ACSS3: variants seen among roughly 807,000 people sequenced by gnomAD.
ACSS3 encodes acyl-CoA synthetase short-chain family member 3, mitochondrial.
A neutral mutation model predicts 84.2 loss-of-function variants in ACSS3; 64 were observed. The observed-to-expected ratio is 0.76, with a 90% CI of 0.62 to 0.94. The LOEUF is 0.94. Among genes scored for constraint, ACSS3 ranks in the 40% least tolerant of loss-of-function variants. The probability of loss-of-function intolerance (pLI) is 0.00; values close to 1 mark genes in which losing one functional copy is unlikely to be tolerated. For missense variants in ACSS3, 815 were observed against 867.6 expected, an observed-to-expected ratio of 0.94 and a Z score of 0.76; for synonymous variants, 317 against 310.1, an observed-to-expected ratio of 1.02 and a Z score of -0.23.
chr12:81,078,343 A>C lies in ACSS3; in HGVS notation c.223A>C (p.Arg75=), dbSNP rs1366799727. The part of the protein sequence containing the change: ...HFAASVTDPE[R]FWGKAAEQIS... ...CGCAGCCTCGGTGACCGACCCCGAGAGGTTCTGGGGCAAAGCTGCCGAGCA... is the reference window on the plus strand; with the variant it reads ...CGCAGCCTCGGTGACCGACCCCGAGCGGTTCTGGGGCAAAGCTGCCGAGCA... Residue 75 remains arginine (R), a synonymous_variant, in exon 1 of 16, where the codon AGG becomes CGG. Coordinates refer to ENST00000548058, the MANE Select transcript of ACSS3 (RefSeq NM_024560.4). 6.2e-7 allele frequency: 1 copy of C among 1,612,498 alleles called. No individual in the cohort carries two copies. Among genetic ancestry groups the C allele is most frequent in the Admixed American group, 1.7e-5 (1 of 60,006 alleles).
rs757352967 is a variant in ACSS3 at position 81,143,092 on chromosome 12, A to AT, written c.781-10dup. On this transcript the variant is annotated splice_polypyrimidine_tract_variant and intron_variant, in intron 4 of 15. Transcript: ENST00000548058. ...TCCTTATTACAGTACATATTCTTAT[A>AT]TTTTTGCTGTGTAGGAGGCGGTTCC... is the stretch of plus-strand genomic sequence containing the variant. 5 of 1,606,460 alleles carry AT rather than the reference A, an allele frequency of 3.1e-6. No homozygotes were observed. The highest frequency in any genetic ancestry group is 4.3e-6 in the Non-Finnish European group (5 of 1,175,390).
Position 81,233,399 on chromosome 12 carries a change from GTATGT to G in ACSS3, c.1653_1657del (p.Met552SerfsTer4). On this transcript the variant is annotated frameshift_variant, in exon 13 of 16. Coordinates refer to ENST00000548058, the MANE Select transcript of ACSS3 (RefSeq NM_024560.4). LOFTEE classifies it high-confidence loss of function. ...GTTACATGGATGAAGAAGGCTATTT[GTATGT>G]TATGTCTCGAGTGGATGATGTAATA... 6.2e-7 allele frequency: 1 copy of G among 1,611,086 alleles called. No homozygotes were observed. The highest frequency in any genetic ancestry group is 1.1e-5 in the South Asian group (1 of 91,022).
At chr12:81,163,863 T>C (rs902981327) in intron 7 of ACSS3, among the ~76,000 whole-genome samples, 7 of 152,246 alleles carry the variant, frequency 4.6e-5, no homozygotes, top group African/African-American at 1.7e-4. Context: ...TACAATGTGT[T>C]TGTCTTTTAA....
At chr12:81,233,226 A>G in intron 12 of ACSS3, 123 bp from the exon 13 acceptor site, 1 of 1,111,536 alleles carries the variant, frequency 9.0e-7, no homozygotes, top group Non-Finnish European at 1.3e-6. Context: ...TAGTCTAGTT[A>G]CGAAAAACGG....
At chr12:81,131,927 G>A (rs539477319) in intron 2 of ACSS3, among the ~76,000 whole-genome samples, 13 of 152,062 alleles carry the variant, frequency 8.5e-5, no homozygotes, top group South Asian at 4.1e-4. Flanking sequence ...GATGGATTAC[G>A]TTTATTGATT....
chr12:81,079,093 A>G (rs898398587), intron 1 of ACSS3, among the ~76,000 whole-genome samples: 10 of 152,182 alleles, frequency 6.6e-5, no homozygotes, highest in African/African-American at 2.4e-4. Context: ...TGTTGTGTAT[A>G]TGAAGCTGCA....
At chr12:81,162,677 C>A (rs1887211005) in intron 7 of ACSS3, among the ~76,000 whole-genome samples, 1 of 152,134 alleles carries the variant, frequency 6.6e-6, no homozygotes. Context: ...CTACCTCCTG[C>A]TGTCATTAAC....
At chr12:81,128,493 C>T (rs949925641) in intron 2 of ACSS3, among the ~76,000 whole-genome samples, 15 of 152,110 alleles carry the variant, frequency 9.9e-5, no homozygotes, top group Non-Finnish European at 1.9e-4. Context: ...CCTTGCTCCC[C>T]TGGGATCTGT....
intron 1 of ACSS3, among the ~76,000 whole-genome samples, chr12:81,080,656 T>A (rs1169628913): frequency 6.6e-6 from 1 of 152,200 alleles, no homozygotes; most frequent in African/African-American, 2.4e-5. Flanking sequence ...AATCTATGAC[T>A]GCATTGGATA....
chr12:81,142,378 C>T (rs76415269), intron 4 of ACSS3, among the ~76,000 whole-genome samples: 1 of 152,174 alleles, frequency 6.6e-6, no homozygotes, highest in Non-Finnish European at 1.5e-5. Context: ...AGCCACTTCC[C>T]TGCTTTTCAC....
intron 1 of ACSS3, among the ~76,000 whole-genome samples, chr12:81,081,028 A>G (rs1880937845): frequency 6.6e-6 from 1 of 152,196 alleles, no homozygotes; most frequent in Non-Finnish European, 1.5e-5. Flanking sequence ...TGGAGCTGGC[A>G]TATGTGTAGT....
At chr12:81,149,992 C>T (rs192858565) in intron 5 of ACSS3, among the ~76,000 whole-genome samples, 25 of 152,124 alleles carry the variant, frequency 1.6e-4, no homozygotes, top group East Asian at 5.8e-4. Flanking sequence ...TGGTAAATGT[C>T]GTTTGAAGAA....
At chr12:81,252,965 T>TA (rs1374284807) in intron 13 of ACSS3, among the ~76,000 whole-genome samples, 2 of 152,224 alleles carry the variant, frequency 1.3e-5, no homozygotes, top group East Asian at 3.8e-4. Flanking sequence ...GAGGTTTGTT[T>TA]ACATACAGTA....
intron 9 of ACSS3, among the ~76,000 whole-genome samples, chr12:81,204,186 T>A (rs1195459489): frequency 6.6e-6 from 1 of 152,016 alleles, no homozygotes; most frequent in Non-Finnish European, 1.5e-5. Context: ...TTTTTATGAG[T>A]AAATGAGCTA....
intron 7 of ACSS3, among the ~76,000 whole-genome samples, chr12:81,162,223 C>T (rs1232631123): frequency 6.6e-6 from 1 of 152,190 alleles, no homozygotes; most frequent in Non-Finnish European, 1.5e-5. Flanking sequence ...ACAGTACGGT[C>T]TCTGAAGACA....
chr12:81,142,077 G>A (rs1054153643), intron 4 of ACSS3, among the ~76,000 whole-genome samples: 2 of 152,156 alleles, frequency 1.3e-5, no homozygotes, highest in Admixed American at 1.3e-4. Flanking sequence ...AATGTATTAA[G>A]CAGCTTAGAA....
intron 9 of ACSS3, among the ~76,000 whole-genome samples, chr12:81,214,810 T>C (rs534544225): frequency 6.6e-6 from 1 of 152,322 alleles, no homozygotes; most frequent in East Asian, 1.9e-4. Flanking sequence ...GAACTCTAGG[T>C]AACTGGTGTG....
At chr12:81,183,837 A>G (rs2135850824) in intron 8 of ACSS3, among the ~76,000 whole-genome samples, 1 of 151,338 alleles carries the variant, frequency 6.6e-6, no homozygotes, top group South Asian at 2.1e-4. Flanking sequence ...AGATAGCAAT[A>G]CAATATGGTA....
chr12:81,119,822 A>C (rs959005145), intron 2 of ACSS3, among the ~76,000 whole-genome samples: 2 of 152,210 alleles, frequency 1.3e-5, no homozygotes, highest in African/African-American at 4.8e-5. Flanking sequence ...TGTACAGTTA[A>C]CACAATCATC....
Sources: gnomAD v4.1 joint callset for allele counts (sites outside exome capture counted in the v4.1 genomes callset) on GRCh38, gnomAD v4.1.1 for gene constraint, MANE v1.5 for transcripts, NCBI Gene and HGNC (gene_info 2026-07-23, HGNC 2026-07-21) for gene names.